The following YAP1 variants were observed in gnomAD, a reference collection of about 807,000 sequenced individuals.
YAP1 encodes the protein Yes1 associated transcriptional regulator, also known as transcriptional coactivator YAP1.
Under a neutral mutation model 56.9 loss-of-function variants are expected in YAP1, and 5 were observed. The ratio of observed to expected loss-of-function variants is 0.09; its 90% CI spans 0.05 to 0.18. YAP1 has a LOEUF of 0.18. YAP1 is among the 10% of genes least tolerant of loss of function. The probability of loss-of-function intolerance (pLI) is 1.00; values close to 1 mark genes in which losing one functional copy is unlikely to be tolerated. For synonymous variants in YAP1, 265 were observed against 248.1 expected (o/e 1.07, Z -0.64); for missense variants, 539 against 651.8 (o/e 0.83, Z 1.88).
At chr11:102,223,500 C>A in intron 6 of YAP1, 122 bp from the exon 7 acceptor site, 1 of 1,063,584 alleles carries the variant, frequency 9.4e-7, no homozygotes, top group South Asian at 1.7e-5. Context: ...AATGTATTAA[C>A]TTTAAAGTAG....
intron 4 of YAP1, among the ~76,000 whole-genome samples, chr11:102,195,686 G>C (rs1948538571): frequency 6.6e-6 from 1 of 152,168 alleles, no homozygotes; most frequent in African/African-American, 2.4e-5. Context: ...CCATGTGAAG[G>C]AGTACATGTT....
At chr11:102,228,517 C>G (rs1950305640) in intron 8 of YAP1, among the ~76,000 whole-genome samples, 1 of 151,554 alleles carries the variant, frequency 6.6e-6, no homozygotes, top group Non-Finnish European at 1.5e-5. Context: ...CACCTGTAAT[C>G]CCAGCTACTC....
intron 4 of YAP1, among the ~76,000 whole-genome samples, chr11:102,195,015 C>G (rs74452111): frequency 8.1e-4 from 123 of 152,206 alleles, no homozygotes; most frequent in African/African-American, 2.7e-3. Flanking sequence ...GCCTCAGCCT[C>G]CCAAGTAGCT....
At chr11:102,187,274 A>G (rs945243881) in intron 4 of YAP1, among the ~76,000 whole-genome samples, 2 of 152,234 alleles carry the variant, frequency 1.3e-5, no homozygotes, top group African/African-American at 4.8e-5. Flanking sequence ...GTTCAAGTTA[A>G]GTCAATGGCA....
At chr11:102,115,904 T>C (rs544098406) in intron 2 of YAP1, among the ~76,000 whole-genome samples, 3 of 152,364 alleles carry the variant, frequency 2.0e-5, no homozygotes, top group African/African-American at 7.2e-5. Flanking sequence ...CTGGGGAGAT[T>C]GTTAAACAGC....
At chr11:102,126,449 A>G (rs1338792112) in intron 2 of YAP1, among the ~76,000 whole-genome samples, 1 of 152,156 alleles carries the variant, frequency 6.6e-6, no homozygotes, top group African/African-American at 2.4e-5. Flanking sequence ...GATAGTGAAT[A>G]AGTCTCATGA....
chr11:102,209,056 T>C (rs1233626601), intron 5 of YAP1, among the ~76,000 whole-genome samples: 1 of 152,230 alleles, frequency 6.6e-6, no homozygotes, highest in Non-Finnish European at 1.5e-5. Context: ...CGTCTTTTCT[T>C]ATGTTGAAGT....
At chr11:102,166,393 A>T (rs998268269) in intron 3 of YAP1, among the ~76,000 whole-genome samples, 3 of 152,236 alleles carry the variant, frequency 2.0e-5, no homozygotes, top group African/African-American at 7.2e-5. Context: ...GATATACCTC[A>T]TGTTCACATA....
intron 4 of YAP1, among the ~76,000 whole-genome samples, chr11:102,204,610 T>TG (rs1949030695): frequency 6.6e-6 from 1 of 152,172 alleles, no homozygotes; most frequent in Non-Finnish European, 1.5e-5. Context: ...AGAAATGGCA[T>TG]TTACCAAGCA....
chr11:102,151,098 G>C (rs1191049338), intron 2 of YAP1, among the ~76,000 whole-genome samples: 2 of 152,010 alleles, frequency 1.3e-5, no homozygotes. Context: ...AAAGTGCTGG[G>C]ATTACAGGCG....
chr11:102,120,970 C>G (rs147578820), intron 2 of YAP1, among the ~76,000 whole-genome samples: 1 of 151,966 alleles, frequency 6.6e-6, no homozygotes, highest in Non-Finnish European at 1.5e-5. Flanking sequence ...TTTTTTTTTC[C>G]TGTATATGGA....
intron 2 of YAP1, among the ~76,000 whole-genome samples, chr11:102,129,438 G>A (rs1944241621): frequency 6.6e-6 from 1 of 151,776 alleles, no homozygotes; most frequent in Non-Finnish European, 1.5e-5. Context: ...GACCAACATC[G>A]TGAAACCCCA....
intron 2 of YAP1, among the ~76,000 whole-genome samples, chr11:102,115,303 G>T (rs1226662420): frequency 1.3e-5 from 2 of 152,166 alleles, no homozygotes; most frequent in Admixed American, 6.5e-5. Flanking sequence ...ATCAGGTTGA[G>T]ATAATAAAGT....
At chr11:102,132,882 G>A (rs183522424) in intron 2 of YAP1, among the ~76,000 whole-genome samples, 8 of 152,256 alleles carry the variant, frequency 5.3e-5, no homozygotes, top group Admixed American at 2.6e-4. Flanking sequence ...ATAGGGGCCC[G>A]GCATAGTGGT....
intron 1 of YAP1, chr11:102,112,548 G>C: frequency 1.0e-6 from 1 of 980,720 alleles, no homozygotes; most frequent in Non-Finnish European, 1.2e-6. Context: ...GATGTAACTT[G>C]AGTGGAAAGA....
At chr11:102,116,097 C>A (rs1011522741) in intron 2 of YAP1, among the ~76,000 whole-genome samples, 1 of 152,102 alleles carries the variant, frequency 6.6e-6, no homozygotes, top group African/African-American at 2.4e-5. Flanking sequence ...AATCAGTATT[C>A]TAGATACAGT....
chr11:102,112,622 G>C lies in YAP1; in HGVS notation c.321+1453G>C, dbSNP rs1234218699. 3.0e-6 allele frequency: 3 copies of C among 984,710 alleles called. No homozygotes were observed. In the African/African-American group the frequency reaches 5.3e-5, roughly 17 times the overall value. 61.0% of individuals were successfully genotyped at this position (984,710 alleles called of 1,614,324 possible). On this transcript the variant is annotated intron_variant, in intron 1 of 8. Coordinates refer to ENST00000282441, the MANE Select transcript of YAP1 (RefSeq NM_001130145.3). ...CAGGCCTGTTGTATAGTCTCCTGTC[G>C]GAGACCAAAGGGTTTTGGAACTCAG...
At chr11:102,156,922 G>GT (rs1945986630) in intron 2 of YAP1, among the ~76,000 whole-genome samples, 1 of 152,118 alleles carries the variant, frequency 6.6e-6, no homozygotes, top group Non-Finnish European at 1.5e-5. Flanking sequence ...TTGTCAACAT[G>GT]TTTAAGTTGT....
At chr11:102,121,186 C>G (rs1421178031) in intron 2 of YAP1, among the ~76,000 whole-genome samples, 1 of 152,116 alleles carries the variant, frequency 6.6e-6, no homozygotes, top group Non-Finnish European at 1.5e-5. Context: ...GTCTGTAATC[C>G]CAGCACTTTG....
Sources: allele counts gnomAD v4.1 joint callset (sites outside exome capture counted in the v4.1 genomes callset), GRCh38; gene constraint gnomAD v4.1.1; transcripts MANE v1.5; gene names NCBI Gene and HGNC (gene_info 2026-07-23, HGNC 2026-07-21).